BICRA: variants seen among roughly 807,000 people sequenced by gnomAD.
The protein encoded by BICRA is BRD4-interacting chromatin-remodeling complex-associated protein.
Under a neutral mutation model 96.9 loss-of-function variants are expected in BICRA, and 31 were observed. That is an observed-to-expected ratio of 0.32 (90% confidence interval 0.24 to 0.43). The LOEUF (loss-of-function observed/expected upper bound fraction) is 0.43. Among genes scored for constraint, BICRA ranks in the 20% least tolerant of loss-of-function variants. The probability of loss-of-function intolerance (pLI) is 1.00; values close to 1 mark genes in which losing one functional copy is unlikely to be tolerated. For missense variants in BICRA, 2,283 were observed against 2,190.3 expected (o/e 1.04, Z -0.84); for synonymous variants, 1,350 against 1,071.8 (o/e 1.26, Z -5.07).
At chr19:47,684,977 C>G (rs1202591646) in intron 7 of BICRA, among the ~76,000 whole-genome samples, 1 of 152,048 alleles carries the variant, frequency 6.6e-6, no homozygotes, top group Non-Finnish European at 1.5e-5. Flanking sequence ...TGTAGCTGAA[C>G]TTATTTTTTT....
chr19:47,688,769 G>T (rs1973195983), intron 7 of BICRA, among the ~76,000 whole-genome samples: 3 of 151,892 alleles, frequency 2.0e-5, no homozygotes, highest in Admixed American at 2.0e-4. Context: ...TTCCAGCCTG[G>T]GTGACAGAGC....
In BICRA at chr19:47,633,106, A is replaced by G. The variant is rs1972246209; in HGVS notation, c.-108+23938A>G. Among the ~76,000 whole-genome samples, 3 of 122,508 alleles carry G rather than the reference A, an allele frequency of 2.4e-5. No homozygotes were observed. In the South Asian group the frequency reaches 7.5e-4, roughly 31 times the overall value. 80.4% of individuals were successfully genotyped at this position (122,508 alleles called of 152,430 possible). ...TTTTTTTTTTTTTTTTTTTTGAGAC[A>G]GTCTCACTCTGTCACCCAGGCCGGA... On this transcript the variant is annotated intron_variant, in intron 1 of 14. Coordinates refer to ENST00000594866, the MANE Select transcript of BICRA (RefSeq NM_001394372.1).
intron 1 of BICRA, among the ~76,000 whole-genome samples, chr19:47,610,276 C>T (rs1971882426): frequency 1.3e-5 from 2 of 152,198 alleles, no homozygotes; most frequent in African/African-American, 4.8e-5. Flanking sequence ...CGACTCCTGT[C>T]ACGGGCGGCC....
At chr19:47,619,420 G>A (rs919213002) in intron 1 of BICRA, among the ~76,000 whole-genome samples, 2 of 151,708 alleles carry the variant, frequency 1.3e-5, no homozygotes, top group African/African-American at 2.4e-5. Context: ...CACCACGCCC[G>A]GTTAGTTTTT....
rs931263216 is a variant in BICRA, at chr19:47,702,965, C to T, written c.*550C>T. On this transcript the variant is annotated 3_prime_UTR_variant, in exon 15 of 15. Coordinates refer to ENST00000594866, the MANE Select transcript of BICRA (RefSeq NM_001394372.1). ...CCGTGTGACATCCGCACGTCCAGCT[C>T]CGTGACCTGTGTGTGTGTGTGTGTG... 8.9e-6 allele frequency: 1 copy of T among 112,480 alleles called. No individual in the cohort carries two copies. Among genetic ancestry groups the T allele is most frequent in the Admixed American group, 1.1e-4 (1 of 8,728 alleles). The allele number at this position is 112,480 out of a possible 1,614,324, so 7.0% of individuals were successfully genotyped here.
chr19:47,628,699 G>C (rs1972175873), intron 1 of BICRA, among the ~76,000 whole-genome samples: 1 of 152,166 alleles, frequency 6.6e-6, no homozygotes, highest in South Asian at 2.1e-4. Context: ...CAACATCCTG[G>C]GTTCAGGTGA....
chr19:47,683,408 A>G (rs947183104), intron 7 of BICRA, among the ~76,000 whole-genome samples: 3 of 152,132 alleles, frequency 2.0e-5, no homozygotes, highest in Admixed American at 1.3e-4. Flanking sequence ...AGTAAGAGCC[A>G]TTTGTACTTT....
chr19:47,674,138 C>T lies in BICRA; in HGVS notation c.84+376C>T, dbSNP rs112116002. Among the ~76,000 whole-genome samples, 613 of 152,204 alleles carry T rather than the reference C, an allele frequency of 4.0e-3. 6 individuals carry two copies. The highest frequency in any genetic ancestry group is 0.014 in the African/African-American group (596 of 41,520). ...GAGGGAGGTAACATTGAAGGTGAGA[C>T]CTGAAGGATCACAGGGAGGTAGGTG... On this transcript the variant is annotated intron_variant, in intron 4 of 14. Coordinates refer to ENST00000594866, the MANE Select transcript of BICRA (RefSeq NM_001394372.1).
chr19:47,649,702 C>G (rs940781412), intron 1 of BICRA, among the ~76,000 whole-genome samples: 13 of 152,052 alleles, frequency 8.5e-5, no homozygotes, highest in African/African-American at 3.1e-4. Flanking sequence ...TGTGGGGAAA[C>G]AAGGGACTCA....
intron 7 of BICRA, 141 bp downstream of exon 7, chr19:47,682,293 G>A: frequency 1.9e-6 from 1 of 538,418 alleles, no homozygotes; most frequent in Non-Finnish European, 3.3e-6. Flanking sequence ...CACCCCCCAA[G>A]TGTCTCCTAG....
intron 5 of BICRA, among the ~76,000 whole-genome samples, chr19:47,676,729 C>A (rs1231968126): frequency 6.6e-6 from 1 of 151,526 alleles, no homozygotes; most frequent in Admixed American, 6.6e-5. Flanking sequence ...TTCCAAATAG[C>A]TTATCTTTCA....
At chr19:47,640,387 A>G (rs751859103) in intron 1 of BICRA, among the ~76,000 whole-genome samples, 2 of 152,048 alleles carry the variant, frequency 1.3e-5, no homozygotes, top group Non-Finnish European at 2.9e-5. Context: ...AAAATCAGCC[A>G]GGCATGATGG....
At chr19:47,684,830 T>TCTGAG (rs1973120494) in intron 7 of BICRA, among the ~76,000 whole-genome samples, 1 of 152,166 alleles carries the variant, frequency 6.6e-6, no homozygotes, top group Admixed American at 6.6e-5. Context: ...TGAATCCAGC[T>TCTGAG]CTGCTTAGTG....
At chr19:47,690,881 A>C (rs565321749) in intron 7 of BICRA, among the ~76,000 whole-genome samples, 14 of 152,288 alleles carry the variant, frequency 9.2e-5, no homozygotes, top group African/African-American at 3.1e-4. Flanking sequence ...TTTTATGTTT[A>C]AATGACTTCA....
Position 47,698,897 on chromosome 19 carries a change from C to A in BICRA, c.3398-68C>A. 2.2e-6 allele frequency: 3 copies of A among 1,377,230 alleles called. No individual in the cohort carries two copies. Among genetic ancestry groups the A allele is most frequent in the African/African-American group, 1.4e-5 (1 of 69,788 alleles). 85.3% of individuals were successfully genotyped at this position (1,377,230 alleles called of 1,614,324 possible). On this transcript the variant is annotated intron_variant, in intron 12 of 14. Transcript: ENST00000594866. This position sits in a 1 kb window ranked among gnomAD's most constrained non-coding sequence, Gnocchi z 4.8. The stretch of plus-strand genomic sequence containing the variant: ...GGTGCGCTATGCTGACCCTGCCCCG[C>A]CCTCCTTCCTGCGCATCCGCGGCCG...
intron 1 of BICRA, among the ~76,000 whole-genome samples, chr19:47,648,305 TG>T (rs2123544683): frequency 6.6e-6 from 1 of 152,016 alleles, no homozygotes; most frequent in African/African-American, 2.4e-5. Context: ...GGTCGGCCTG[TG>T]GATGTGTCCC....
At chr19:47,625,820 G>C (rs1168039976) in intron 1 of BICRA, among the ~76,000 whole-genome samples, 1 of 152,080 alleles carries the variant, frequency 6.6e-6, no homozygotes, top group Non-Finnish European at 1.5e-5. Flanking sequence ...GATGGGCTGA[G>C]AGACACAGGA....
rs993193430 is a variant in BICRA at position 47,694,556 on chromosome 19, C to G, written c.2725C>G (p.Gln909Glu). The G allele has an allele frequency of 1.3e-5, 21 of 1,611,546 alleles. No individual in the cohort carries two copies. The highest frequency in any genetic ancestry group is 1.8e-5 in the Non-Finnish European group (21 of 1,179,000). ...CCCTACGCCATCCGACTTCCAGCTC[C>G]AGTTCCCACCCAGCCAGGGGCCCCA... is the stretch of plus-strand genomic sequence containing the variant. ...PAPTPSDFQL[Q>E]FPPSQGPHKS... The change falls in exon 8 of 15, where the codon CAG becomes GAG. Residue 909 changes from glutamine (Q) to glutamate (E), a missense_variant. Physicochemically the swap from Gln to Glu is conservative, Grantham distance 29. Transcript: ENST00000594866.
At chr19:47,681,643 C>T (rs1313667911) in intron 6 of BICRA, among the ~76,000 whole-genome samples, 1 of 151,990 alleles carries the variant, frequency 6.6e-6, no homozygotes, top group African/African-American at 2.4e-5. Context: ...GAGGGACTAC[C>T]CGACGGACAG....
Sources: gnomAD v4.1 joint callset for allele counts (sites outside exome capture counted in the v4.1 genomes callset) on GRCh38, gnomAD v4.1.1 for gene constraint, Gnocchi (gnomAD v3.1) non-coding constraint, MANE v1.5 for transcripts, NCBI Gene and HGNC (gene_info 2026-07-23, HGNC 2026-07-21) for gene names.